The following ACSM5 variants were observed in gnomAD, a reference collection of about 807,000 sequenced individuals.
The protein encoded by ACSM5 is acyl-coenzyme A synthetase ACSM5, mitochondrial.
In ACSM5, 56 loss-of-function variants were observed where a neutral mutation model predicts 71.6. The ratio of observed to expected loss-of-function variants is 0.78; its 90% CI spans 0.63 to 0.98. The LOEUF (loss-of-function observed/expected upper bound fraction) is 0.98. ACSM5 is among the 50% of genes least tolerant of loss of function. The pLI is 0.00. For synonymous variants in ACSM5, 285 were observed against 281.5 expected (o/e 1.01, Z -0.12); for missense variants, 723 against 726.0 (o/e 1.00, Z 0.05).
At chr16:20,434,619 G>A (rs374406759) in intron 10 of ACSM5, among the ~76,000 whole-genome samples, 43 of 152,278 alleles carry the variant, frequency 2.8e-4, no homozygotes, top group Non-Finnish European at 4.3e-4. Flanking sequence ...GCTTGAACCC[G>A]GGAGGCAGAG....
intron 8 of ACSM5, 99 bp from the exon 9 acceptor site, chr16:20,430,894 A>G (rs868302428): frequency 5.1e-6 from 4 of 783,430 alleles, no homozygotes; most frequent in Middle Eastern, 6.7e-4. Flanking sequence ...AAAAAAGAGG[A>G]TGAGAGAAAG....
intron 6 of ACSM5, among the ~76,000 whole-genome samples, chr16:20,425,500 G>A (rs1966961999): frequency 1.3e-5 from 2 of 152,094 alleles, no homozygotes; most frequent in Non-Finnish European, 1.5e-5. Context: ...TTCTTTAGTG[G>A]TGATTGTAAG....
intron 7 of ACSM5, among the ~76,000 whole-genome samples, chr16:20,428,281 G>T (rs1967028609): frequency 6.6e-6 from 1 of 152,210 alleles, no homozygotes; most frequent in South Asian, 2.1e-4. Flanking sequence ...GTGGAGTGGG[G>T]TCTGTGGCCA....
chr16:20,415,359 G>T (rs1469643078), intron 2 of ACSM5, among the ~76,000 whole-genome samples: 1 of 152,176 alleles, frequency 6.6e-6, no homozygotes, highest in Non-Finnish European at 1.5e-5. Flanking sequence ...TTTTTGAAGA[G>T]ATTAGACAAA....
chr16:20,434,628 A>G (rs1363291494), intron 10 of ACSM5, among the ~76,000 whole-genome samples: 4 of 152,342 alleles, frequency 2.6e-5, no homozygotes, highest in Non-Finnish European at 5.9e-5. Context: ...CGGGAGGCAG[A>G]GGTTGCAGTG....
At position 20,428,628 on chromosome 16, in the gene ACSM5, A is replaced by C. The variant is rs997593082; in HGVS notation, c.1001+761A>C. The stretch of plus-strand genomic sequence containing the variant: ...TGAATCTACCCACCAAGTGTCCAAA[A>C]AAGGGAGTTCTTACATGCTTCTAAA... On this transcript the variant is annotated intron_variant, in intron 7 of 13. Coordinates refer to ENST00000331849, the MANE Select transcript of ACSM5 (RefSeq NM_017888.3). Among the ~76,000 whole-genome samples the C allele has an allele frequency of 3.9e-5, 6 of 152,326 alleles. No homozygotes were observed. In the South Asian group the frequency reaches 6.2e-4, roughly 16 times the overall value.
chr16:20,431,923 T>C (rs12925455), intron 10 of ACSM5, among the ~76,000 whole-genome samples: 10,446 of 146,352 alleles, frequency 0.071, 508 homozygotes, highest in East Asian at 0.16. Context: ...CCAGCCTGGG[T>C]GAGGGAACGA....
chr16:20,418,870 A>G (rs1966864876), intron 3 of ACSM5, among the ~76,000 whole-genome samples: 1 of 152,156 alleles, frequency 6.6e-6, no homozygotes, highest in Non-Finnish European at 1.5e-5. Context: ...GAAGATAAAG[A>G]TGAAATAAAA....
At chr16:20,410,715 G>A (rs1775697802) in intron 1 of ACSM5, among the ~76,000 whole-genome samples, 1 of 152,008 alleles carries the variant, frequency 6.6e-6, no homozygotes, top group African/African-American at 2.4e-5. Flanking sequence ...AGCAGAGTGA[G>A]ACTCTGTCTC....
In ACSM5 at chr16:20,419,218, T is replaced by C. The variant is rs375371226; in HGVS notation, c.416-10T>C. On this transcript the variant is annotated splice_polypyrimidine_tract_variant and intron_variant, in intron 3 of 13. Coordinates refer to ENST00000331849, the MANE Select transcript of ACSM5 (RefSeq NM_017888.3). The stretch of plus-strand genomic sequence containing the variant: ...CTATCCACTCAACATCCCCTTCTGT[T>C]TTATGCCAGGGACTGTGATGATTCC... The C allele has an allele frequency of 2.5e-6, 4 of 1,613,956 alleles. No individual in the cohort carries two copies. The highest frequency in any genetic ancestry group is 1.7e-5 in the Admixed American group (1 of 59,976).
intron 2 of ACSM5, 75 bp downstream of exon 2, chr16:20,411,763 C>A (rs1966848283): frequency 3.4e-6 from 5 of 1,474,258 alleles, no homozygotes; most frequent in Non-Finnish European, 4.7e-6. Context: ...AGACTCAAGG[C>A]TCCAAGCATG....
At chr16:20,425,740 C>T (rs1354742598) in intron 6 of ACSM5, among the ~76,000 whole-genome samples, 3 of 152,052 alleles carry the variant, frequency 2.0e-5, no homozygotes, top group Non-Finnish European at 2.9e-5. Context: ...TCATCCAGGT[C>T]CCTGCGAATG....
intron 2 of ACSM5, among the ~76,000 whole-genome samples, chr16:20,413,225 A>C (rs530727999): frequency 1.3e-5 from 2 of 152,300 alleles, no homozygotes; most frequent in South Asian, 4.1e-4. Context: ...TAATGATAAA[A>C]ACAAGCAAGC....
intron 12 of ACSM5, among the ~76,000 whole-genome samples, chr16:20,438,738 G>A (rs1222333283): frequency 1.3e-5 from 2 of 151,020 alleles, no homozygotes; most frequent in East Asian, 3.9e-4. Context: ...GGTGGATCAC[G>A]AGGTCAGGAG....
intron 12 of ACSM5, among the ~76,000 whole-genome samples, chr16:20,437,633 G>A (rs1284380224): frequency 1.4e-5 from 2 of 142,060 alleles, no homozygotes. Context: ...GGAGATCTTG[G>A]GGGAGGTGCA....
chr16:20,433,067 A>G (rs1451781848), intron 10 of ACSM5, among the ~76,000 whole-genome samples: 1 of 152,114 alleles, frequency 6.6e-6, no homozygotes, highest in Non-Finnish European at 1.5e-5. Context: ...CACCTTGGCC[A>G]GACTGGTCTG....
chr16:20,414,464 G>T lies in ACSM5; in HGVS notation c.204+2776G>T, dbSNP rs138790780. On this transcript the variant is annotated intron_variant, in intron 2 of 13. Transcript: ENST00000331849. ...AAAACTAGAAAATGCAAGGACACAG[G>T]TTCTCCACTAAAGCATCCAGTAGGA... Among the ~76,000 whole-genome samples the T allele has an allele frequency of 6.6e-3, 1,009 of 152,258 alleles. 8 individuals are homozygous for T. Among genetic ancestry groups the T allele is most frequent in the African/African-American group, 0.023 (960 of 41,552 alleles).
chr16:20,426,752 G>A (rs1966988381), intron 6 of ACSM5, among the ~76,000 whole-genome samples: 1 of 152,158 alleles, frequency 6.6e-6, no homozygotes, highest in African/African-American at 2.4e-5. Flanking sequence ...CAGGAGTTAG[G>A]GGAGAGATTA....
In ACSM5 at chr16:20,429,802, G is replaced by A; in HGVS notation, c.1125+1G>A. 1 of 1,612,452 alleles carries A rather than the reference G, an allele frequency of 6.2e-7. No individual in the cohort carries two copies. Among genetic ancestry groups the A allele is most frequent in the Non-Finnish European group, 8.5e-7 (1 of 1,179,706 alleles). On this transcript the variant is annotated splice_donor_variant, in intron 8 of 13. Transcript: ENST00000331849. LOFTEE classifies it high-confidence loss of function. ...CGAAGGCTATGGCCAGTCTGAAACG[G>A]TGAGTGCTGGAGGGGCCAGGTCCCT... is the stretch of plus-strand genomic sequence containing the variant.
Sources: gnomAD v4.1 joint callset for allele counts (sites outside exome capture counted in the v4.1 genomes callset) on GRCh38, gnomAD v4.1.1 for gene constraint, MANE v1.5 for transcripts, NCBI Gene and HGNC (gene_info 2026-07-23, HGNC 2026-07-21) for gene names.